Variants in UNC5D observed in about 807,000 individuals in gnomAD.
UNC5D encodes the protein netrin receptor UNC5D.
A neutral mutation model predicts 105.4 loss-of-function variants in UNC5D; 39 were observed. The ratio of observed to expected loss-of-function variants is 0.37; its 90% CI spans 0.29 to 0.48. The LOEUF (loss-of-function observed/expected upper bound fraction) is 0.48, where lower values mean the gene tolerates loss of function less well. UNC5D is among the 20% of genes least tolerant of loss of function. The pLI is 0.98. For synonymous variants in UNC5D, 452 were observed against 450.4 expected (o/e 1.00, Z -0.04); for missense variants, 991 against 1,202.4 (o/e 0.82, Z 2.60).
chr8:35,559,991 A>T (rs1014202498), intron 2 of UNC5D, among the ~76,000 whole-genome samples: 16 of 152,240 alleles, frequency 1.1e-4, no homozygotes, highest in African/African-American at 3.9e-4. Flanking sequence ...GCAATTAGTC[A>T]TCTGCTGCCA....
At chr8:35,542,233 C>T (rs893414168) in intron 1 of UNC5D, among the ~76,000 whole-genome samples, 3 of 152,110 alleles carry the variant, frequency 2.0e-5, no homozygotes, top group Non-Finnish European at 2.9e-5. Context: ...TGTAAAATTC[C>T]GGCTGCTGTT....
intron 1 of UNC5D, among the ~76,000 whole-genome samples, chr8:35,472,480 T>A (rs1003222088): frequency 6.6e-6 from 1 of 152,122 alleles, no homozygotes; most frequent in Non-Finnish European, 1.5e-5. Flanking sequence ...TTGATCTTGA[T>A]GCTGAGTGCC....
At chr8:35,321,983 A>G (rs770361689) in intron 1 of UNC5D, among the ~76,000 whole-genome samples, 2 of 152,166 alleles carry the variant, frequency 1.3e-5, no homozygotes, top group African/African-American at 2.4e-5. Flanking sequence ...TACCCATTTC[A>G]TGGTTTGTTG....
intron 1 of UNC5D, among the ~76,000 whole-genome samples, chr8:35,449,521 C>T (rs1299543350): frequency 6.6e-5 from 10 of 152,102 alleles, no homozygotes; most frequent in African/African-American, 1.7e-4. Flanking sequence ...AAATATTTAT[C>T]GAGCATCTGC....
chr8:35,274,788 T>A (rs962387862), intron 1 of UNC5D, among the ~76,000 whole-genome samples: 1 of 152,218 alleles, frequency 6.6e-6, no homozygotes, highest in African/African-American at 2.4e-5. Flanking sequence ...GGCAAAATGA[T>A]TTAATATATG....
intron 1 of UNC5D, among the ~76,000 whole-genome samples, chr8:35,252,423 T>C (rs890660068): frequency 2.0e-5 from 3 of 152,192 alleles, no homozygotes; most frequent in Non-Finnish European, 4.4e-5. Flanking sequence ...GCTTATTCTG[T>C]TGTTTTAAAA....
At chr8:35,239,639 T>C (rs1258298614) in intron 1 of UNC5D, among the ~76,000 whole-genome samples, 1 of 152,094 alleles carries the variant, frequency 6.6e-6, no homozygotes, top group African/African-American at 2.4e-5. Context: ...GGCACATGTG[T>C]TCACAGGGAG....
chr8:35,519,024 T>C (rs796594746), intron 1 of UNC5D, among the ~76,000 whole-genome samples: 5 of 152,268 alleles, frequency 3.3e-5, no homozygotes, highest in African/African-American at 9.6e-5. Context: ...CCAGAAGTAA[T>C]GAAGAACAGC....
chr8:35,783,601 A>G (rs932176932), intron 16 of UNC5D, among the ~76,000 whole-genome samples: 2 of 152,162 alleles, frequency 1.3e-5, no homozygotes, highest in Non-Finnish European at 2.9e-5. Context: ...GCTAAGACAG[A>G]GCCTGAGCCC....
chr8:35,283,116 T>C (rs1806315411), intron 1 of UNC5D, among the ~76,000 whole-genome samples: 1 of 152,096 alleles, frequency 6.6e-6, no homozygotes, highest in Non-Finnish European at 1.5e-5. Context: ...ATTCTGGAGG[T>C]TGTCAATGGT....
chr8:35,648,894 T>C (rs1016771791), intron 4 of UNC5D, among the ~76,000 whole-genome samples: 22 of 152,092 alleles, frequency 1.4e-4, no homozygotes, highest in African/African-American at 5.3e-4. Flanking sequence ...GTAAACACTG[T>C]AGAGCTAATA....
rs186643623 is a variant in UNC5D, at chr8:35,287,841, T to A, written c.103+51954T>A. Among the ~76,000 whole-genome samples the A allele has an allele frequency of 3.3e-5, 5 of 151,956 alleles. No homozygotes were observed. The East Asian group carries it at 7.8e-4, about 24-fold the overall frequency. ...TAAATAATAAATAAATAAATAAATA[T>A]ACTTTAAAGCAGATTTAAGCAGCAG... On this transcript the variant is annotated intron_variant, in intron 1 of 16. Coordinates refer to ENST00000404895, the MANE Select transcript of UNC5D (RefSeq NM_080872.4).
intron 15 of UNC5D, among the ~76,000 whole-genome samples, chr8:35,767,642 A>C (rs778555272): frequency 6.6e-6 from 1 of 152,198 alleles, no homozygotes; most frequent in Non-Finnish European, 1.5e-5. Flanking sequence ...ACAGTACAAT[A>C]ATATAAGAAG....
At chr8:35,481,480 C>T (rs764798622) in intron 1 of UNC5D, among the ~76,000 whole-genome samples, 4 of 152,172 alleles carry the variant, frequency 2.6e-5, no homozygotes, top group African/African-American at 9.7e-5. Context: ...CCTTATAGAA[C>T]AGACTTGTAC....
chr8:35,474,021 C>T (rs769786313), intron 1 of UNC5D, among the ~76,000 whole-genome samples: 6 of 152,252 alleles, frequency 3.9e-5, no homozygotes, highest in East Asian at 1.9e-4. Flanking sequence ...TTCATGAGGA[C>T]GGTGCCTTCA....
chr8:35,478,094 C>T (rs1810242065), intron 1 of UNC5D, among the ~76,000 whole-genome samples: 1 of 152,092 alleles, frequency 6.6e-6, no homozygotes, highest in Non-Finnish European at 1.5e-5. Context: ...TCTTCCTTCC[C>T]ATTGTCATTA....
intron 1 of UNC5D, among the ~76,000 whole-genome samples, chr8:35,240,673 C>T (rs1010307829): frequency 6.6e-6 from 1 of 152,028 alleles, no homozygotes; most frequent in African/African-American, 2.4e-5. Flanking sequence ...CTCCAGGGCC[C>T]ACAACAAAGA....
At chr8:35,728,786 C>T (rs1829031113) in intron 10 of UNC5D, among the ~76,000 whole-genome samples, 1 of 152,162 alleles carries the variant, frequency 6.6e-6, no homozygotes, top group Admixed American at 6.5e-5. Flanking sequence ...AAATATAAAA[C>T]AGGAAGCTCA....
chr8:35,774,016 G>C, intron 15 of UNC5D, among the ~76,000 whole-genome samples: 1 of 152,178 alleles, frequency 6.6e-6, no homozygotes, highest in Non-Finnish European at 1.5e-5. Flanking sequence ...GAGCCACTGT[G>C]CCCAGCCTCT....
Sources: gnomAD v4.1 joint callset for allele counts (sites outside exome capture counted in the v4.1 genomes callset) on GRCh38, gnomAD v4.1.1 for gene constraint, MANE v1.5 for transcripts, NCBI Gene and HGNC (gene_info 2026-07-23, HGNC 2026-07-21) for gene names.